COBLL1: variants seen among roughly 807,000 people sequenced by gnomAD.
COBLL1 encodes cordon-bleu protein-like 1.
COBLL1 carries 50 observed loss-of-function variants against 94.8 expected under a neutral mutation model. That is an observed-to-expected ratio of 0.53 (90% CI 0.42 to 0.67). COBLL1 has a LOEUF of 0.67. Ranked by LOEUF, COBLL1 falls within the 30% of genes least tolerant of loss-of-function variation. COBLL1 has a pLI of 0.00. For missense variants in COBLL1, 1,362 were observed against 1,348.7 expected (o/e 1.01, Z -0.15); for synonymous variants, 448 against 473.8 (o/e 0.95, Z 0.71).
chr2:164,818,728 T>C (rs1033740984), intron 2 of COBLL1, among the ~76,000 whole-genome samples: 3 of 148,532 alleles, frequency 2.0e-5, no homozygotes, highest in East Asian at 1.9e-4. Context: ...TATATATATG[T>C]ACTTATGTAA....
At chr2:164,698,530 T>A (rs1211954012) in intron 11 of COBLL1, among the ~76,000 whole-genome samples, 1 of 151,856 alleles carries the variant, frequency 6.6e-6, no homozygotes, top group African/African-American at 2.4e-5. Flanking sequence ...TGAGAATTCA[T>A]AAGCCACTTC....
chr2:164,765,629 G>A (rs1008077904), intron 2 of COBLL1, among the ~76,000 whole-genome samples: 2 of 152,084 alleles, frequency 1.3e-5, no homozygotes, highest in Non-Finnish European at 2.9e-5. Context: ...GACATTTAAA[G>A]CTCGGTGAAA....
intron 7 of COBLL1, among the ~76,000 whole-genome samples, chr2:164,709,169 T>C (rs1255699124): frequency 6.6e-6 from 1 of 152,226 alleles, no homozygotes; most frequent in Non-Finnish European, 1.5e-5. Context: ...TTTATATTTT[T>C]ATGGATAAAG....
At chr2:164,664,761 A>T (rs1355156236) in intron 2 of COBLL1, among the ~76,000 whole-genome samples, 1 of 152,250 alleles carries the variant, frequency 6.6e-6, no homozygotes, top group Non-Finnish European at 1.5e-5. Context: ...ACAACAGAGC[A>T]TTTGAATACA....
In COBLL1 at chr2:164,708,039, A is replaced by G. The variant is rs116462809; in HGVS notation, c.997-2934T>C. On this transcript the variant is annotated intron_variant, in intron 7 of 13. Coordinates refer to ENST00000652658, the MANE Select transcript of COBLL1 (RefSeq NM_001365672.2). ...AGGTCACTTCAACAGGGAGAGAAACATTTAGGTCTACAGTGGCAGGAGCTT... is the reference window on the plus strand; with the variant it reads ...AGGTCACTTCAACAGGGAGAGAAACGTTTAGGTCTACAGTGGCAGGAGCTT... Among the ~76,000 whole-genome samples the G allele has an allele frequency of 3.0e-3, 463 of 152,298 alleles. 1 individual carries two copies. Among genetic ancestry groups the G allele is most frequent in the African/African-American group, 0.011 (451 of 41,566 alleles).
At chr2:164,676,067 T>C (rs1691331233), downstream of COBLL1, among the ~76,000 whole-genome samples, 1 of 152,210 alleles carries the variant, frequency 6.6e-6, no homozygotes, top group African/African-American at 2.4e-5. Context: ...CAGGATTGAA[T>C]TCCCTAATAA....
At chr2:164,834,712 G>A (rs1683239224) in intron 2 of COBLL1, among the ~76,000 whole-genome samples, 1 of 152,214 alleles carries the variant, frequency 6.6e-6, no homozygotes, top group Non-Finnish European at 1.5e-5. Flanking sequence ...TGTGAAAGCG[G>A]TTGGAGGATA....
intron 2 of COBLL1, among the ~76,000 whole-genome samples, chr2:164,798,403 A>C (rs1683582675): frequency 6.6e-6 from 1 of 152,254 alleles, no homozygotes; most frequent in Non-Finnish European, 1.5e-5. Context: ...TAGATACAAC[A>C]CTATGACTTC....
chr2:164,703,379 C>G (rs1309735527), intron 9 of COBLL1, among the ~76,000 whole-genome samples: 1 of 152,104 alleles, frequency 6.6e-6, no homozygotes, highest in African/African-American at 2.4e-5. Context: ...TGAAGAAAAA[C>G]AGATATGAAG....
chr2:164,659,092 T>C (rs749122792), intron 2 of COBLL1, among the ~76,000 whole-genome samples: 14 of 152,186 alleles, frequency 9.2e-5, no homozygotes, highest in African/African-American at 1.4e-4. Flanking sequence ...CTCTCCATAT[T>C]GCTGCATGGG....
intron 2 of COBLL1, among the ~76,000 whole-genome samples, chr2:164,661,833 T>C (rs1203668337): frequency 6.6e-6 from 1 of 152,224 alleles, no homozygotes; most frequent in Non-Finnish European, 1.5e-5. Flanking sequence ...ATTTAATTAT[T>C]TGTGTTTTTC....
chr2:164,695,426 C>T lies in COBLL1; in HGVS notation c.1966G>A (p.Glu656Lys), dbSNP rs752645823. The change falls in exon 12 of 14, where the codon GAA (glutamate) becomes AAA (lysine). Residue 656 changes from glutamate to lysine, a missense_variant. Coordinates refer to ENST00000652658, the MANE Select transcript of COBLL1 (RefSeq NM_001365672.2). ...ATTAGGGTGCCTTGACTCCTGAATT[C>T]CCTTGAGGTATTTACAGAATCTTGT... The part of the protein sequence containing the change: ...SSQDSVNTSR[E>K]FRSQGTLIIH... 5 of 1,613,668 alleles carry T rather than the reference C, an allele frequency of 3.1e-6. No individual in the cohort carries two copies. The highest frequency in any genetic ancestry group is 2.7e-5 in the African/African-American group (2 of 74,866).
At chr2:164,825,023 A>T (rs1030001572) in intron 2 of COBLL1, among the ~76,000 whole-genome samples, 2 of 152,214 alleles carry the variant, frequency 1.3e-5, no homozygotes, top group Non-Finnish European at 1.5e-5. Flanking sequence ...CAGACAAGTC[A>T]TACCTTAAGC....
chr2:164,823,088 T>C (rs1443235081), intron 2 of COBLL1, among the ~76,000 whole-genome samples: 2 of 152,186 alleles, frequency 1.3e-5, no homozygotes, highest in Non-Finnish European at 2.9e-5. Context: ...TTTCAGAGAT[T>C]TGGACTTTCC....
intron 2 of COBLL1, among the ~76,000 whole-genome samples, chr2:164,805,291 C>G (rs184021693): frequency 0.21 from 6,400 of 30,240 alleles, 846 homozygotes; most frequent in African/African-American, 0.31. Flanking sequence ...CTGTCTGTCT[C>G]TCTCTCTCTC....
At position 164,695,026 on chromosome 2, in the gene COBLL1, G is replaced by A. The variant is rs1244114039; in HGVS notation, c.2366C>T (p.Pro789Leu). 1.9e-6 allele frequency: 3 copies of A among 1,613,750 alleles called. No individual in the cohort carries two copies. The highest frequency in any genetic ancestry group is 2.5e-6 in the Non-Finnish European group (3 of 1,179,912). ...TTTAAGGTTTGGCAGTGGCTCTTCT[G>A]GGCTTTCAGAAATAGCAGAATCTTC... ...QTEDSAISES[P>L]EEPLPNLKPK... The change falls in exon 12 of 14, where the codon CCA becomes CTA. Residue 789 changes from proline to leucine, a missense_variant. Transcript: ENST00000652658.
chr2:164,728,742 A>G (rs543347906), intron 4 of COBLL1, among the ~76,000 whole-genome samples: 2 of 152,158 alleles, frequency 1.3e-5, no homozygotes, highest in South Asian at 4.1e-4. Flanking sequence ...AACATTAGCT[A>G]TTGTGATTAA....
rs752228234 is a variant in COBLL1, at chr2:164,692,250, A to G, written c.3271T>C (p.Ser1091Pro). 1 of 1,611,696 alleles carries G rather than the reference A, an allele frequency of 6.2e-7. No individual in the cohort carries two copies. The highest frequency in any genetic ancestry group is 2.2e-5 in the East Asian group (1 of 44,792). The change falls in exon 13 of 14, where the codon TCG (serine) becomes CCG (proline). Residue 1091 changes from serine to proline, a missense_variant. Physicochemically the swap from Ser to Pro is moderately conservative, Grantham distance 74. Coordinates refer to ENST00000652658, the MANE Select transcript of COBLL1 (RefSeq NM_001365672.2). Reference protein sequence around the residue: ...MRQSLLTAIRSGEAAAKLKRV... With the variant: ...MRQSLLTAIRPGEAAAKLKRV... ...TTCAATTTGGCAGCAGCCTCTCCCG[A>G]ACGGATTGCAGTCAGCAAACTCTGT...
chr2:164,665,521 T>G (rs1691145699), intron 2 of COBLL1, among the ~76,000 whole-genome samples: 1 of 151,286 alleles, frequency 6.6e-6, no homozygotes, highest in Admixed American at 6.6e-5. Context: ...TCAAAAAGAT[T>G]GAAAACCCTA....
Sources: allele counts gnomAD v4.1 joint callset (sites outside exome capture counted in the v4.1 genomes callset), GRCh38; gene constraint gnomAD v4.1.1; transcripts MANE v1.5; gene names NCBI Gene and HGNC (gene_info 2026-07-23, HGNC 2026-07-21).